ASAP1: variants seen among roughly 807,000 people sequenced by gnomAD.
The protein encoded by ASAP1 is arf-GAP with SH3 domain, ANK repeat and PH domain-containing protein 1.
In ASAP1, 43 loss-of-function variants were observed where a neutral mutation model predicts 145.2. That is an observed-to-expected ratio of 0.30 (90% CI 0.23 to 0.38). The LOEUF is 0.38. Among genes scored for constraint, ASAP1 ranks in the 10% least tolerant of loss-of-function variants. The probability of loss-of-function intolerance (pLI) is 1.00; values close to 1 mark genes in which losing one functional copy is unlikely to be tolerated. For missense variants in ASAP1, 1,018 were observed against 1,355.3 expected, an observed-to-expected ratio of 0.75 and a Z score of 3.91; for synonymous variants, 546 against 515.5, an observed-to-expected ratio of 1.06 and a Z score of -0.80.
chr8:130,196,925 C>T (rs1586572598), intron 5 of ASAP1, among the ~76,000 whole-genome samples: 1 of 152,298 alleles, frequency 6.6e-6, no homozygotes, highest in South Asian at 2.1e-4. Context: ...CCTGAAGTGG[C>T]AGGTCAAAAA....
At chr8:130,173,464 G>A (rs1303277731) in intron 9 of ASAP1, among the ~76,000 whole-genome samples, 1 of 152,098 alleles carries the variant, frequency 6.6e-6, no homozygotes, top group Non-Finnish European at 1.5e-5. Context: ...GCTCGTCCTA[G>A]TTCAGTGGAC....
In ASAP1 at chr8:130,107,180, C is replaced by CTTTTT. The variant is rs375105720; in HGVS notation, c.2401+4913_2401+4914insAAAAA. Among the ~76,000 whole-genome samples the CTTTTT allele has an allele frequency of 2.8e-3, 320 of 113,798 alleles. 12 individuals are homozygous for CTTTTT. Among genetic ancestry groups the CTTTTT allele is most frequent in the South Asian group, 0.014 (43 of 3,014 alleles). 74.7% of individuals were successfully genotyped at this position (113,798 alleles called of 152,430 possible). ...GAAGAACTATAGTCTCTCTCTTCTT[C>CTTTTT]TTCTTTTTTTTTTTTTTTTTGAGAC... is the stretch of plus-strand genomic sequence containing the variant. On this transcript the variant is annotated intron_variant, in intron 24 of 29. Coordinates refer to ENST00000518721, the MANE Select transcript of ASAP1 (RefSeq NM_018482.4).
intron 13 of ASAP1, among the ~76,000 whole-genome samples, chr8:130,141,145 T>C (rs1397924411): frequency 2.6e-5 from 4 of 152,174 alleles, no homozygotes; most frequent in Non-Finnish European, 5.9e-5. Context: ...TTTCATATTG[T>C]TTAAGTACAG....
intron 3 of ASAP1, among the ~76,000 whole-genome samples, chr8:130,313,991 G>A (rs1823517454): frequency 6.6e-6 from 1 of 152,188 alleles, no homozygotes; most frequent in Admixed American, 6.5e-5. Flanking sequence ...AGGCTGGCAA[G>A]CAGCCCACCA....
intron 3 of ASAP1, among the ~76,000 whole-genome samples, chr8:130,263,162 A>G (rs939726416): frequency 3.9e-5 from 6 of 152,164 alleles, no homozygotes; most frequent in Middle Eastern, 3.2e-3. Flanking sequence ...AAAATGCCCA[A>G]ATTCAGAGAT....
At chr8:130,062,767 T>C (rs1039330065) in intron 27 of ASAP1, among the ~76,000 whole-genome samples, 22 of 152,094 alleles carry the variant, frequency 1.4e-4, no homozygotes, top group African/African-American at 5.1e-4. Flanking sequence ...GTACTGCTTA[T>C]AACGAAAAAA....
rs1443189046 is a variant in ASAP1, at chr8:130,214,586, T to C, written c.375A>G (p.Thr125=). Residue 125 remains threonine, a synonymous_variant, in exon 5 of 30, where the codon ACA becomes ACG. Transcript: ENST00000518721. ...GTAFVKFSTL[T]KELSTLLKNL... The stretch of plus-strand genomic sequence containing the variant: ...TTTTCAGCAGTGTGGACAGTTCCTT[T>C]GTAAGAGTAGAAAACTTGACAAACG... 1.9e-6 allele frequency: 3 copies of C among 1,612,274 alleles called. No homozygotes were observed. Among genetic ancestry groups the C allele is most frequent in the Non-Finnish European group, 2.5e-6 (3 of 1,179,472 alleles).
At chr8:130,308,342 G>A (rs868740339) in intron 3 of ASAP1, among the ~76,000 whole-genome samples, 31 of 152,130 alleles carry the variant, frequency 2.0e-4, no homozygotes, top group African/African-American at 7.0e-4. Flanking sequence ...AGGCAGACAG[G>A]GGTGAACTAC....
chr8:130,176,831 C>T (rs1813989157), intron 9 of ASAP1, among the ~76,000 whole-genome samples: 1 of 152,090 alleles, frequency 6.6e-6, no homozygotes, highest in Non-Finnish European at 1.5e-5. Flanking sequence ...GCTGGGATTA[C>T]AGGTATGCGC....
intron 11 of ASAP1, among the ~76,000 whole-genome samples, chr8:130,165,042 T>C (rs567938343): frequency 5.3e-5 from 8 of 152,240 alleles, no homozygotes; most frequent in Non-Finnish European, 7.3e-5. Context: ...AAGATCAATG[T>C]ATTACTTGTA....
chr8:130,055,074 T>C (rs956386438), intron 29 of ASAP1, among the ~76,000 whole-genome samples: 1 of 152,204 alleles, frequency 6.6e-6, no homozygotes, highest in Non-Finnish European at 1.5e-5. Context: ...TGGATATTTC[T>C]TATACAGTTT....
intron 27 of ASAP1, among the ~76,000 whole-genome samples, chr8:130,070,248 A>G (rs947978298): frequency 2.0e-5 from 3 of 152,166 alleles, no homozygotes; most frequent in South Asian, 4.1e-4. Flanking sequence ...CGTGTTAGCC[A>G]GGATGGTCTC....
chr8:130,083,679 T>C (rs2097486357), intron 25 of ASAP1: 1 of 152,294 alleles, frequency 6.6e-6, no homozygotes, highest in East Asian at 1.9e-4. Context: ...GACACAAGGG[T>C]ATTATTATTC....
intron 3 of ASAP1, among the ~76,000 whole-genome samples, chr8:130,262,625 A>G (rs1297980621): frequency 6.6e-6 from 1 of 152,060 alleles, no homozygotes; most frequent in Non-Finnish European, 1.5e-5. Flanking sequence ...GACTAAAAGA[A>G]CCCCTTACTT....
intron 7 of ASAP1, among the ~76,000 whole-genome samples, chr8:130,183,389 G>A (rs534239193): frequency 6.6e-5 from 10 of 152,148 alleles, no homozygotes; most frequent in Admixed American, 2.0e-4. Flanking sequence ...TGCCCAGGCT[G>A]GAGTGCAGTG....
chr8:130,243,273 T>G (rs1474475407), intron 3 of ASAP1, among the ~76,000 whole-genome samples: 2 of 152,152 alleles, frequency 1.3e-5, no homozygotes, highest in Non-Finnish European at 1.5e-5. Flanking sequence ...TCTCACATCA[T>G]TCCACTCTAC....
At chr8:130,274,811 G>C (rs16904233) in intron 3 of ASAP1, among the ~76,000 whole-genome samples, 3,116 of 152,300 alleles carry the variant, frequency 0.02, 104 homozygotes, top group African/African-American at 0.069. Flanking sequence ...AAGCCTTCCT[G>C]AATACCACCA....
intron 12 of ASAP1, among the ~76,000 whole-genome samples, chr8:130,153,359 G>GTA (rs1208128915): frequency 0.16 from 4,458 of 28,342 alleles, 155 homozygotes; most frequent in African/African-American, 0.23. Flanking sequence ...ATATATATAT[G>GTA]TATATATATA....
At chr8:130,303,238 G>C (rs1253010429) in intron 3 of ASAP1, among the ~76,000 whole-genome samples, 1 of 152,202 alleles carries the variant, frequency 6.6e-6, no homozygotes, top group Non-Finnish European at 1.5e-5. Flanking sequence ...TGGGGTTGCT[G>C]TAAGGCTGAG....
Sources: allele counts gnomAD v4.1 joint callset (sites outside exome capture counted in the v4.1 genomes callset), GRCh38; gene constraint gnomAD v4.1.1; transcripts MANE v1.5; gene names NCBI Gene and HGNC (gene_info 2026-07-23, HGNC 2026-07-21).